The following ARHGEF28 variants were observed in gnomAD, a reference collection of about 807,000 sequenced individuals.
ARHGEF28 encodes 190 kDa guanine nucleotide exchange factor.
ARHGEF28 carries 152 observed loss-of-function variants against 206.6 expected under a neutral mutation model. The observed-to-expected ratio is 0.74, with a 90% CI of 0.64 to 0.84. ARHGEF28 has a LOEUF of 0.84. Ranked by LOEUF, ARHGEF28 falls within the 40% of genes least tolerant of loss-of-function variation. The pLI is 0.00. For missense variants in ARHGEF28, 2,028 were observed against 2,073.2 expected, an observed-to-expected ratio of 0.98 and a Z score of 0.42; for synonymous variants, 763 against 776.4, an observed-to-expected ratio of 0.98 and a Z score of 0.29.
At chr5:73,742,914 G>A (rs542763081) in intron 2 of ARHGEF28, among the ~76,000 whole-genome samples, 1 of 143,720 alleles carries the variant, frequency 7.0e-6, no homozygotes, top group South Asian at 2.2e-4. Context: ...TTACATTATT[G>A]TTGTCACACA....
chr5:73,851,482 A>G (rs1380244345), intron 13 of ARHGEF28, among the ~76,000 whole-genome samples: 1 of 151,922 alleles, frequency 6.6e-6, no homozygotes, highest in Non-Finnish European at 1.5e-5. Flanking sequence ...AACAAAATCC[A>G]GTTTTATAAT....
At position 73,865,968 on chromosome 5, in the gene ARHGEF28, T is replaced by G. The variant is rs781224498; in HGVS notation, c.2107T>G (p.Phe703Val). The change falls in exon 18 of 36, where the codon TTC becomes GTC. Residue 703 changes from phenylalanine (F) to valine (V), a missense_variant. Coordinates refer to ENST00000513042, the MANE Select transcript of ARHGEF28 (RefSeq NM_001177693.2). ...TGTTTCTAATATTCTTTACCAGAAA[T>G]TCCAAGAGAAATATAACAAGAACAA... ...KDAAPACTKK[F>V]QEKYNKNKPQ... 3.1e-6 allele frequency: 5 copies of G among 1,594,710 alleles called. No individual in the cohort carries two copies. Among genetic ancestry groups the G allele is most frequent in the South Asian group, 1.1e-5 (1 of 89,336 alleles).
chr5:73,639,347 C>A (rs987369525), intron 1 of ARHGEF28, among the ~76,000 whole-genome samples: 1 of 150,932 alleles, frequency 6.6e-6, no homozygotes, highest in African/African-American at 2.4e-5. Context: ...CAGATATGTA[C>A]AGAGAGACAT....
Position 73,876,460 on chromosome 5 carries a change from G to C in ARHGEF28, c.2814+3214G>C, listed in dbSNP as rs1329421882. Among the ~76,000 whole-genome samples the C allele has an allele frequency of 2.2e-5, 3 of 134,152 alleles. No homozygotes were observed. In the East Asian group the frequency reaches 6.4e-4, roughly 29 times the overall value. The allele number at this position is 134,152 out of a possible 152,430, so 88.0% of individuals were successfully genotyped here. A position where few individuals can be genotyped will look rare whatever the true frequency, so the allele number is the denominator to read the frequency against. ...TGGCCAGAACTTCCAACACTATGTT[G>C]AATAGGAGTGGTGAGAGAGGGCATC... On this transcript the variant is annotated intron_variant, in intron 22 of 35. Coordinates refer to ENST00000513042, the MANE Select transcript of ARHGEF28 (RefSeq NM_001177693.2).
intron 7 of ARHGEF28, among the ~76,000 whole-genome samples, chr5:73,792,577 G>T (rs548573220): frequency 6.6e-6 from 1 of 151,944 alleles, no homozygotes; most frequent in East Asian, 1.9e-4. Context: ...AAAGTAAAAG[G>T]GTGTGACTCT....
chr5:73,858,116 G>A lies in ARHGEF28; in HGVS notation c.1944G>A (p.Glu648=), dbSNP rs1759164288. The part of the protein sequence containing the change: ...KTKSKDAKDK[E]KLNRHQFAPG... ...AAAGCAAGGATGCCAAAGATAAAGA[G>A]AAGCTGAATCGACATCAGTTTGCCC... The change falls in exon 16 of 36, where the codon GAG becomes GAA. Residue 648 remains glutamate (E), a synonymous_variant. Coordinates refer to ENST00000513042, the MANE Select transcript of ARHGEF28 (RefSeq NM_001177693.2). The A allele has an allele frequency of 3.1e-6, 5 of 1,611,328 alleles. No individual in the cohort carries two copies. The highest frequency in any genetic ancestry group is 4.2e-6 in the Non-Finnish European group (5 of 1,179,148).
At chr5:73,712,229 A>G (rs1293692532) in intron 2 of ARHGEF28, among the ~76,000 whole-genome samples, 5 of 152,166 alleles carry the variant, frequency 3.3e-5, no homozygotes, top group African/African-American at 2.4e-5. Context: ...CATGAGGACT[A>G]CTGATCTGTA....
rs1433893502 is a variant in ARHGEF28 at position 73,806,625 on chromosome 5, A to G, written c.1024+11234A>G. Among the ~76,000 whole-genome samples the G allele has an allele frequency of 2.1e-5, 3 of 142,288 alleles. No homozygotes were observed. In the Admixed American group the frequency reaches 2.2e-4, roughly 10 times the overall value. The allele number at this position is 142,288 out of a possible 152,430, so 93.3% of individuals were successfully genotyped here. On this transcript the variant is annotated intron_variant, in intron 9 of 35. Coordinates refer to ENST00000513042, the MANE Select transcript of ARHGEF28 (RefSeq NM_001177693.2). Reference sequence around the variant, plus strand: ...CTACACATCTATCTATATATAGTATATATCTATATATACAATCTATAGTAT... The same window carrying G: ...CTACACATCTATCTATATATAGTATGTATCTATATATACAATCTATAGTAT...
At chr5:73,915,719 T>C (rs1240393651) in intron 35 of ARHGEF28, among the ~76,000 whole-genome samples, 1 of 152,202 alleles carries the variant, frequency 6.6e-6, no homozygotes, top group Non-Finnish European at 1.5e-5. Flanking sequence ...AACTATATAT[T>C]GAATGCATCT....
At chr5:73,830,712 A>G (rs944917877) in intron 9 of ARHGEF28, among the ~76,000 whole-genome samples, 6 of 152,204 alleles carry the variant, frequency 3.9e-5, no homozygotes, top group Admixed American at 3.9e-4. Context: ...TGAAACTACA[A>G]TTCATACAAC....
At chr5:73,667,317 G>A (rs1171301990) in intron 1 of ARHGEF28, among the ~76,000 whole-genome samples, 1 of 148,928 alleles carries the variant, frequency 6.7e-6, no homozygotes, top group Non-Finnish European at 1.5e-5. Flanking sequence ...CTGAAGTTTT[G>A]GCCTGAGCCA....
chr5:73,706,448 T>G (rs1209719685), intron 2 of ARHGEF28, among the ~76,000 whole-genome samples: 1 of 151,504 alleles, frequency 6.6e-6, no homozygotes, highest in East Asian at 1.9e-4. Context: ...CATATAACAT[T>G]GAAAAAAAAA....
intron 7 of ARHGEF28, among the ~76,000 whole-genome samples, chr5:73,783,572 C>G (rs75496298): frequency 6.6e-6 from 1 of 152,120 alleles, no homozygotes; most frequent in African/African-American, 2.4e-5. Context: ...AAGATGGGGA[C>G]CAGCCATGGG....
intron 9 of ARHGEF28, among the ~76,000 whole-genome samples, chr5:73,804,926 A>G (rs1755352250): frequency 6.6e-6 from 1 of 152,208 alleles, no homozygotes; most frequent in Non-Finnish European, 1.5e-5. Context: ...CCCACACATA[A>G]GGAAAAAGTG....
At chr5:73,681,819 A>C (rs1007874163) in intron 1 of ARHGEF28, among the ~76,000 whole-genome samples, 2 of 152,108 alleles carry the variant, frequency 1.3e-5, no homozygotes, top group Admixed American at 6.5e-5. Context: ...TGTCTCAAAA[A>C]AAAAAATTGA....
chr5:73,748,740 G>T (rs907062704), intron 2 of ARHGEF28, among the ~76,000 whole-genome samples: 2 of 152,108 alleles, frequency 1.3e-5, no homozygotes, highest in African/African-American at 4.8e-5. Context: ...CAAAGTGGGC[G>T]ACCCTTTCCA....
At chr5:73,823,660 G>A (rs1756725615) in intron 9 of ARHGEF28, among the ~76,000 whole-genome samples, 1 of 152,158 alleles carries the variant, frequency 6.6e-6, no homozygotes, top group Admixed American at 6.5e-5. Flanking sequence ...GGAAGTGGGC[G>A]AACATACCTA....
At chr5:73,676,662 T>A (rs1746711864) in intron 1 of ARHGEF28, among the ~76,000 whole-genome samples, 1 of 152,246 alleles carries the variant, frequency 6.6e-6, no homozygotes, top group African/African-American at 2.4e-5. Context: ...ACTGTTATCT[T>A]TGAGACCTTT....
At chr5:73,857,444 G>A (rs1264167116) in intron 14 of ARHGEF28, among the ~76,000 whole-genome samples, 1 of 152,118 alleles carries the variant, frequency 6.6e-6, no homozygotes. Flanking sequence ...GACATTGTGA[G>A]ATTGTTGCTC....
Sources: gnomAD v4.1 joint callset for allele counts (sites outside exome capture counted in the v4.1 genomes callset) on GRCh38, gnomAD v4.1.1 for gene constraint, MANE v1.5 for transcripts, NCBI Gene and HGNC (gene_info 2026-07-23, HGNC 2026-07-21) for gene names.